Variants in CAMK1D observed in about 807,000 individuals in gnomAD.
CAMK1D encodes the protein calcium/calmodulin dependent protein kinase ID, also known as calcium/calmodulin-dependent protein kinase type 1D.
In CAMK1D, 9 loss-of-function variants were observed where a neutral mutation model predicts 47.7. The observed-to-expected ratio is 0.19, with a 90% CI of 0.11 to 0.33. CAMK1D has a LOEUF of 0.33. Among genes scored for constraint, CAMK1D ranks in the 10% least tolerant of loss-of-function variants. The pLI is 1.00. For synonymous variants in CAMK1D, 184 were observed against 184.9 expected (o/e 0.99, Z 0.04); for missense variants, 291 against 488.7 (o/e 0.60, Z 3.81).
chr10:12,451,310 A>G (rs1184394095), intron 1 of CAMK1D, among the ~76,000 whole-genome samples: 2 of 152,184 alleles, frequency 1.3e-5, no homozygotes, highest in Admixed American at 1.3e-4. Flanking sequence ...AGGGAGAAGG[A>G]GCTGGGCTGG....
intron 2 of CAMK1D, among the ~76,000 whole-genome samples, chr10:12,587,906 T>C (rs562416309): frequency 2.9e-4 from 44 of 152,190 alleles, no homozygotes; most frequent in African/African-American, 1.0e-3. Flanking sequence ...CACTTACTGA[T>C]GTATTAAAGA....
chr10:12,559,281 C>T (rs1348203099), intron 2 of CAMK1D, among the ~76,000 whole-genome samples: 3 of 152,088 alleles, frequency 2.0e-5, no homozygotes, highest in South Asian at 4.1e-4. Context: ...GACACCATCT[C>T]TAAAAAAATA....
At chr10:12,756,290 A>G (rs901881351) in intron 3 of CAMK1D, among the ~76,000 whole-genome samples, 4 of 152,234 alleles carry the variant, frequency 2.6e-5, no homozygotes, top group Non-Finnish European at 5.9e-5. Context: ...AGATAACAGG[A>G]TATCTACCAA....
chr10:12,611,738 C>G (rs557816043), intron 2 of CAMK1D, among the ~76,000 whole-genome samples: 2 of 151,776 alleles, frequency 1.3e-5, no homozygotes, highest in Non-Finnish European at 2.9e-5. Context: ...ATTACAGACA[C>G]GTGCCACCAC....
chr10:12,475,394 C>T (rs1273629272), intron 1 of CAMK1D, among the ~76,000 whole-genome samples: 3 of 152,166 alleles, frequency 2.0e-5, no homozygotes, highest in Admixed American at 6.5e-5. Context: ...TCCTTTGTGT[C>T]TGGTCTGTTT....
At chr10:12,353,146 C>T (rs111453100) in intron 1 of CAMK1D, among the ~76,000 whole-genome samples, 1,831 of 152,260 alleles carry the variant, frequency 0.012, 31 homozygotes, top group African/African-American at 0.041. Flanking sequence ...CTTCTGGTCC[C>T]TTCAGTGGGG....
chr10:12,573,862 G>A (rs902531232), intron 2 of CAMK1D, among the ~76,000 whole-genome samples: 1 of 44,298 alleles, frequency 2.3e-5, no homozygotes, highest in African/African-American at 9.3e-5. Flanking sequence ...TTTTTGTGGA[G>A]ATGGGGTCTC....
At chr10:12,428,436 C>T (rs1272512519) in intron 1 of CAMK1D, among the ~76,000 whole-genome samples, 3 of 152,184 alleles carry the variant, frequency 2.0e-5, no homozygotes, top group Admixed American at 1.3e-4. Context: ...GTTCGACATT[C>T]TATCTCATGG....
chr10:12,454,450 C>A (rs1205597275), intron 1 of CAMK1D, among the ~76,000 whole-genome samples: 1 of 152,124 alleles, frequency 6.6e-6, no homozygotes, highest in Non-Finnish European at 1.5e-5. Context: ...GTGTGAGCCA[C>A]CACTCCCGGC....
At chr10:12,364,534 C>G (rs72767677) in intron 1 of CAMK1D, among the ~76,000 whole-genome samples, 1 of 151,788 alleles carries the variant, frequency 6.6e-6, no homozygotes, top group African/African-American at 2.4e-5. Context: ...TGAGCCACCA[C>G]GCATGGCCAT....
intron 6 of CAMK1D, among the ~76,000 whole-genome samples, chr10:12,810,276 C>CTTTTT (rs36022032): frequency 2.4e-5 from 3 of 126,216 alleles, no homozygotes; most frequent in Admixed American, 1.7e-4. Context: ...CCTAGCACCA[C>CTTTTT]TTTTTTTTTT....
At chr10:12,781,526 C>T (rs1198446202) in intron 5 of CAMK1D, among the ~76,000 whole-genome samples, 1 of 143,500 alleles carries the variant, frequency 7.0e-6, no homozygotes, top group African/African-American at 2.5e-5. Context: ...ATTTAAACAG[C>T]AGTCCCAGCT....
At chr10:12,609,448 T>C (rs1270640920) in intron 2 of CAMK1D, among the ~76,000 whole-genome samples, 1 of 152,230 alleles carries the variant, frequency 6.6e-6, no homozygotes, top group African/African-American at 2.4e-5. Context: ...CTACCACTTA[T>C]CATAATGTAG....
At chr10:12,597,100 G>A (rs188731902) in intron 2 of CAMK1D, among the ~76,000 whole-genome samples, 2 of 152,234 alleles carry the variant, frequency 1.3e-5, no homozygotes, top group Non-Finnish European at 2.9e-5. Context: ...AGCTCCTGCC[G>A]TGCAGGAGCT....
At chr10:12,540,994 G>A (rs1411400735) in intron 1 of CAMK1D, among the ~76,000 whole-genome samples, 1 of 151,532 alleles carries the variant, frequency 6.6e-6, no homozygotes, top group Non-Finnish European at 1.5e-5. Context: ...CAAATGTATG[G>A]CTTACTGTGT....
chr10:12,417,059 T>C (rs997372351), intron 1 of CAMK1D, among the ~76,000 whole-genome samples: 1 of 152,152 alleles, frequency 6.6e-6, no homozygotes, highest in African/African-American at 2.4e-5. Context: ...CCCCGAAGCC[T>C]CTCTGTCCTC....
intron 2 of CAMK1D, among the ~76,000 whole-genome samples, chr10:12,615,313 C>A (rs1041310898): frequency 6.6e-6 from 1 of 152,206 alleles, no homozygotes; most frequent in Non-Finnish European, 1.5e-5. Context: ...TTTTATATTC[C>A]ATTTCCATCT....
At chr10:12,698,038 A>G (rs1040645996) in intron 3 of CAMK1D, among the ~76,000 whole-genome samples, 1 of 152,306 alleles carries the variant, frequency 6.6e-6, no homozygotes. Flanking sequence ...AATGGCTGCC[A>G]TTTACTGAAA....
intron 1 of CAMK1D, among the ~76,000 whole-genome samples, chr10:12,510,088 G>C (rs1429142427): frequency 6.6e-6 from 1 of 152,200 alleles, no homozygotes; most frequent in South Asian, 2.1e-4. Context: ...ATCAATGAAT[G>C]TGCCCTGTGG....
Sources: allele counts gnomAD v4.1 joint callset (sites outside exome capture counted in the v4.1 genomes callset), GRCh38; gene constraint gnomAD v4.1.1; transcripts MANE v1.5; gene names NCBI Gene and HGNC (gene_info 2026-07-23, HGNC 2026-07-21).